Variants in UBE3D observed in about 807,000 individuals in gnomAD.
UBE3D encodes ubiquitin protein ligase E3D, also known as E3 ubiquitin-protein ligase E3D.
A neutral mutation model predicts 49.6 loss-of-function variants in UBE3D; 48 were observed. That is an observed-to-expected ratio of 0.97 (90% CI 0.77 to 1.23). The LOEUF (loss-of-function observed/expected upper bound fraction) is 1.23, where lower values mean the gene tolerates loss of function less well. Among genes scored for constraint, UBE3D ranks in the 50% most tolerant of loss-of-function variants. UBE3D has a pLI of 0.00. For missense variants in UBE3D, 452 were observed against 468.4 expected, an observed-to-expected ratio of 0.96 and a Z score of 0.32; for synonymous variants, 189 against 174.2, an observed-to-expected ratio of 1.08 and a Z score of -0.67.
At chr6:82,985,545 G>T (rs1420850182) in intron 8 of UBE3D, among the ~76,000 whole-genome samples, 1 of 151,916 alleles carries the variant, frequency 6.6e-6, no homozygotes, top group Non-Finnish European at 1.5e-5. Context: ...TGTAATTTTT[G>T]TAGAGACGAT....
At chr6:82,929,375 C>T (rs1773979848) in intron 9 of UBE3D, among the ~76,000 whole-genome samples, 1 of 152,040 alleles carries the variant, frequency 6.6e-6, no homozygotes, top group African/African-American at 2.4e-5. Context: ...GCTTTTTTGA[C>T]AATTAAGGGA....
chr6:82,963,407 A>C (rs991574206), intron 8 of UBE3D, among the ~76,000 whole-genome samples: 1 of 152,144 alleles, frequency 6.6e-6, no homozygotes, highest in Admixed American at 6.5e-5. Context: ...AGAGAAACAG[A>C]ACTAATAAGA....
intron 8 of UBE3D, among the ~76,000 whole-genome samples, chr6:82,975,881 C>T (rs900233331): frequency 6.6e-5 from 10 of 152,008 alleles, no homozygotes; most frequent in Non-Finnish European, 1.0e-4. Context: ...TAATAGAATT[C>T]TTTTCTTAGG....
intron 8 of UBE3D, among the ~76,000 whole-genome samples, chr6:83,008,261 C>T (rs1450037478): frequency 6.6e-6 from 1 of 152,070 alleles, no homozygotes; most frequent in East Asian, 1.9e-4. Flanking sequence ...TCCTGTGAGG[C>T]TAAATTACTC....
chr6:82,960,178 C>T (rs1403046762), intron 8 of UBE3D, among the ~76,000 whole-genome samples: 4 of 152,194 alleles, frequency 2.6e-5, no homozygotes, highest in Non-Finnish European at 5.9e-5. Flanking sequence ...ATGTCCTTCA[C>T]TCCTTCATAG....
At chr6:82,939,617 T>C (rs1480069021) in intron 9 of UBE3D, among the ~76,000 whole-genome samples, 1 of 152,228 alleles carries the variant, frequency 6.6e-6, no homozygotes, top group Non-Finnish European at 1.5e-5. Context: ...CCATATAGGC[T>C]TGCAGCCTAG....
chr6:82,951,145 G>A (rs1467178327), intron 9 of UBE3D, among the ~76,000 whole-genome samples: 1 of 152,180 alleles, frequency 6.6e-6, no homozygotes, highest in Non-Finnish European at 1.5e-5. Flanking sequence ...TGCTTGAGGT[G>A]ACAGATACCA....
rs185039403 is a variant in UBE3D, at chr6:82,978,076, A to G, written c.1011-20626T>C. Among the ~76,000 whole-genome samples, 13 of 151,172 alleles carry G rather than the reference A, an allele frequency of 8.6e-5. No homozygotes were observed. In the East Asian group the frequency reaches 2.5e-3, roughly 30 times the overall value. On this transcript the variant is annotated intron_variant, in intron 8 of 9. Coordinates refer to ENST00000369747, the MANE Select transcript of UBE3D (RefSeq NM_198920.3). ...GCCCCACATCTCGGTGGGAAAGGGC[A>G]TAAGCCAAAGATACATCAACAAGTG...
the UBE3D span, among the ~76,000 whole-genome samples, chr6:82,884,528 C>A: frequency 1.3e-5 from 2 of 152,252 alleles, no homozygotes; most frequent in East Asian, 1.9e-4. Flanking sequence ...TATTCCTGCT[C>A]ATTTCACCTC....
At chr6:83,048,253 T>C (rs1375733363) in intron 3 of UBE3D, among the ~76,000 whole-genome samples, 1 of 151,980 alleles carries the variant, frequency 6.6e-6, no homozygotes, top group Non-Finnish European at 1.5e-5. Context: ...CAGGCCACGC[T>C]AAGGGGTAGG....
chr6:82,931,054 C>T (rs1180685070), intron 9 of UBE3D, among the ~76,000 whole-genome samples: 4 of 152,160 alleles, frequency 2.6e-5, no homozygotes, highest in South Asian at 2.1e-4. Context: ...TTTGGTGCCC[C>T]GCATCCTAGC....
In UBE3D at chr6:83,058,021, C is replaced by A. The variant is rs761484906; in HGVS notation, c.79G>T (p.Glu27Ter). 2 of 1,613,772 alleles carry A rather than the reference C, an allele frequency of 1.2e-6. No homozygotes were observed. Among genetic ancestry groups the A allele is most frequent in the Non-Finnish European group, 1.7e-6 (2 of 1,179,972 alleles). ...QLQSALLILG[E>*]PKEGGMPMNI... ...ATGGGCATACCTCCTTCTTTCGGTT[C>A]TCTGGTAATTAAAAACAAAACCCAA... The change falls in exon 2 of 10, where the codon GAA (glutamate) becomes TAA (stop). Residue 27 changes from glutamate (E) to a stop codon, truncating the protein, a stop_gained and splice_region_variant. Transcript: ENST00000369747. LOFTEE classifies it high-confidence loss of function.
intron 8 of UBE3D, among the ~76,000 whole-genome samples, chr6:83,007,072 A>G (rs1358947645): frequency 4.6e-5 from 7 of 152,174 alleles, no homozygotes; most frequent in Admixed American, 4.6e-4. Context: ...TTTTTATTTC[A>G]TTGGGAAAAA....
chr6:83,054,461 G>A (rs1040188381), intron 2 of UBE3D, among the ~76,000 whole-genome samples: 2 of 151,982 alleles, frequency 1.3e-5, no homozygotes, highest in African/African-American at 2.4e-5. Context: ...GACAGGTACT[G>A]CTCTAGATTA....
intron 9 of UBE3D, among the ~76,000 whole-genome samples, chr6:82,900,780 A>G (rs1439824314): frequency 6.6e-6 from 1 of 152,204 alleles, no homozygotes; most frequent in Non-Finnish European, 1.5e-5. Flanking sequence ...GAAGAATGGC[A>G]AAAGGTGACC....
chr6:83,064,796 T>C (rs1455950091), intron 1 of UBE3D, among the ~76,000 whole-genome samples: 1 of 152,240 alleles, frequency 6.6e-6, no homozygotes, highest in East Asian at 1.9e-4. Flanking sequence ...AGCTAGCATT[T>C]GAACTCAGTT....
At chr6:82,998,513 A>G (rs558861618) in intron 8 of UBE3D, among the ~76,000 whole-genome samples, 2 of 152,360 alleles carry the variant, frequency 1.3e-5, no homozygotes, top group Admixed American at 1.3e-4. Flanking sequence ...TACAAAAATC[A>G]TATGGAAAAT....
chr6:83,032,951 A>T (rs1562208516), intron 5 of UBE3D, among the ~76,000 whole-genome samples: 1 of 151,912 alleles, frequency 6.6e-6, no homozygotes, highest in Non-Finnish European at 1.5e-5. Flanking sequence ...AGTCTATTAA[A>T]CCTTTTTCTT....
intron 8 of UBE3D, among the ~76,000 whole-genome samples, chr6:82,971,906 C>T (rs555846106): frequency 6.6e-6 from 1 of 152,042 alleles, no homozygotes; most frequent in Non-Finnish European, 1.5e-5. Flanking sequence ...AAATGTTTGA[C>T]GCTTTCTTCT....
Sources: allele counts gnomAD v4.1 joint callset (sites outside exome capture counted in the v4.1 genomes callset), GRCh38; gene constraint gnomAD v4.1.1; transcripts MANE v1.5; gene names NCBI Gene and HGNC (gene_info 2026-07-23, HGNC 2026-07-21).